Variants in STAG1 observed in about 807,000 individuals in gnomAD.
STAG1 encodes the protein STAG1 cohesin complex component.
Under a neutral mutation model 170.9 loss-of-function variants are expected in STAG1, and 26 were observed. The observed-to-expected ratio is 0.15, with a 90% CI of 0.11 to 0.21. The LOEUF is 0.21. Ranked by LOEUF, STAG1 falls within the 10% of genes least tolerant of loss-of-function variation. STAG1 has a pLI of 1.00. For synonymous variants in STAG1, 514 were observed against 497.7 expected (o/e 1.03, Z -0.44); for missense variants, 964 against 1,509.5 (o/e 0.64, Z 5.99).
intron 5 of STAG1, among the ~76,000 whole-genome samples, chr3:136,552,976 A>G (rs914916671): frequency 2.0e-5 from 3 of 152,218 alleles, no homozygotes; most frequent in African/African-American, 7.2e-5. Flanking sequence ...CACCAAGAAG[A>G]AAGACAACAT....
intron 1 of STAG1, among the ~76,000 whole-genome samples, chr3:136,748,444 T>A (rs1039238274): frequency 2.0e-5 from 3 of 152,044 alleles, no homozygotes; most frequent in Non-Finnish European, 4.4e-5. Context: ...TCACCCAGGC[T>A]GGAGTGCAGT....
rs1939940527 is a variant in STAG1, at chr3:136,623,136, T to C, written c.132+10A>G. Reference sequence around the variant, plus strand: ...ATTAAAGGAACAAAGAAGACAAGCATAATACATACTGGAGGCCGGCCAGGA... The same window carrying C: ...ATTAAAGGAACAAAGAAGACAAGCACAATACATACTGGAGGCCGGCCAGGA... On this transcript the variant is annotated intron_variant, in intron 3 of 33. Transcript: ENST00000383202. 1.2e-6 allele frequency: 2 copies of C among 1,608,800 alleles called. No individual in the cohort carries two copies. The highest frequency in any genetic ancestry group is 1.3e-5 in the African/African-American group (1 of 74,660).
chr3:136,673,127 G>A (rs1329387208), intron 1 of STAG1, among the ~76,000 whole-genome samples: 1 of 152,174 alleles, frequency 6.6e-6, no homozygotes, highest in African/African-American at 2.4e-5. Flanking sequence ...ACAACATAGA[G>A]AGTTACTTCA....
chr3:136,439,644 C>G (rs997244658), intron 15 of STAG1, among the ~76,000 whole-genome samples: 16 of 152,124 alleles, frequency 1.1e-4, no homozygotes, highest in East Asian at 5.8e-4. Context: ...TCATAAAATA[C>G]AGCAAAATAC....
In STAG1 at chr3:136,493,386, G is replaced by A. The variant is rs1576528125; in HGVS notation, c.902+6837C>T. On this transcript the variant is annotated intron_variant, in intron 9 of 33. Transcript: ENST00000383202. ...CAAAACAAAAAGATCAGCAAAGGAT[G>A]GCTCACACCTGTAATCCCATCACTT... Among the ~76,000 whole-genome samples, 8 of 151,766 alleles carry A rather than the reference G, an allele frequency of 5.3e-5. 2 individuals carry two copies. The highest frequency in any genetic ancestry group is 5.2e-4 in the Admixed American group (8 of 15,248).
At chr3:136,618,603 G>A (rs947697742) in intron 3 of STAG1, among the ~76,000 whole-genome samples, 9 of 152,070 alleles carry the variant, frequency 5.9e-5, no homozygotes, top group East Asian at 3.8e-4. Flanking sequence ...AATAAAACAC[G>A]AGAGACTAAA....
Position 136,363,372 on chromosome 3 carries a change from C to A in STAG1, c.2781G>T (p.Leu927Phe). ...CTCTCTCCAAATTTCTTACCTGTTGCAAACTGAGAATGAGAGTCTTGGCAC... is the reference window on the plus strand; with the variant it reads ...CTCTCTCCAAATTTCTTACCTGTTGAAAACTGAGAATGAGAGTCTTGGCAC... ...IQCAKTLILSLQQLFNELVQE... is the reference protein window; with the variant it reads ...IQCAKTLILSFQQLFNELVQE... The change falls in exon 26 of 34, where the codon TTG (leucine) becomes TTT (phenylalanine). Residue 927 changes from leucine (L) to phenylalanine (F), a missense_variant. This residue lies in a region of STAG1 where 149 missense variants were observed against 301.3 expected (regional missense o/e 0.49). Coordinates refer to ENST00000383202, the MANE Select transcript of STAG1 (RefSeq NM_005862.3). 1 of 1,583,054 alleles carries A rather than the reference C, an allele frequency of 6.3e-7. No individual in the cohort carries two copies. The highest frequency in any genetic ancestry group is 1.7e-5 in the Admixed American group (1 of 58,426).
intron 23 of STAG1, among the ~76,000 whole-genome samples, chr3:136,371,453 T>C (rs928391634): frequency 2.0e-5 from 3 of 152,248 alleles, no homozygotes; most frequent in African/African-American, 7.2e-5. Context: ...TGAATGGTAA[T>C]GCCTAGGTTT....
At chr3:136,440,167 T>C (rs1037338680) in intron 15 of STAG1, among the ~76,000 whole-genome samples, 3 of 152,156 alleles carry the variant, frequency 2.0e-5, no homozygotes, top group Non-Finnish European at 4.4e-5. Context: ...AGATGGAGTC[T>C]CACACTGTCA....
intron 1 of STAG1, among the ~76,000 whole-genome samples, chr3:136,656,164 TAA>T (rs111866086): frequency 1.5e-5 from 2 of 136,788 alleles, no homozygotes; most frequent in African/African-American, 5.3e-5. Context: ...CGCAAAAAAA[TAA>T]AAAAAAAAAA....
chr3:136,386,164 C>T lies in STAG1; in HGVS notation c.2278-8412G>A, dbSNP rs368539056. Among the ~76,000 whole-genome samples, 13 of 152,078 alleles carry T rather than the reference C, an allele frequency of 8.5e-5. No individual in the cohort carries two copies. The East Asian group carries it at 1.7e-3, about 20-fold the overall frequency. ...CAGCCTGGACAATATGGTGAAACAC[C>T]GTCTCTACTAAAAATACAAAAAAAA... On this transcript the variant is annotated intron_variant, in intron 22 of 33. Coordinates refer to ENST00000383202, the MANE Select transcript of STAG1 (RefSeq NM_005862.3).
At chr3:136,458,137 G>GT (rs965528157) in intron 13 of STAG1, among the ~76,000 whole-genome samples, 34 of 151,642 alleles carry the variant, frequency 2.2e-4, no homozygotes, top group African/African-American at 6.1e-4. Context: ...TTTTTTCTGT[G>GT]TTTTTTTTCT....
intron 1 of STAG1, among the ~76,000 whole-genome samples, chr3:136,724,198 G>A (rs1263481189): frequency 3.3e-5 from 5 of 152,116 alleles, no homozygotes; most frequent in Admixed American, 2.0e-4. Context: ...GAAATCGGAT[G>A]GTTGCCATGT....
intron 12 of STAG1, among the ~76,000 whole-genome samples, chr3:136,469,027 A>G (rs970265646): frequency 6.6e-6 from 1 of 152,190 alleles, no homozygotes; most frequent in Non-Finnish European, 1.5e-5. Flanking sequence ...CACACCCAAT[A>G]TCATACTGAA....
intron 4 of STAG1, among the ~76,000 whole-genome samples, chr3:136,582,241 C>A (rs1223698934): frequency 2.0e-5 from 3 of 151,968 alleles, no homozygotes; most frequent in African/African-American, 7.3e-5. Flanking sequence ...CAAAGAAACA[C>A]AAATGTATCA....
intron 12 of STAG1, among the ~76,000 whole-genome samples, chr3:136,469,992 G>A (rs1185645876): frequency 2.6e-5 from 4 of 152,190 alleles, no homozygotes; most frequent in African/African-American, 7.2e-5. Flanking sequence ...ATTCAAGATG[G>A]ATTAAAGACT....
At chr3:136,352,725 A>G (rs1420472645) in intron 28 of STAG1, among the ~76,000 whole-genome samples, 1 of 152,228 alleles carries the variant, frequency 6.6e-6, no homozygotes, top group Non-Finnish European at 1.5e-5. Context: ...AACAAATTTC[A>G]TAGTATATTT....
chr3:136,351,392 ATCC>A (rs1936428997), intron 28 of STAG1, among the ~76,000 whole-genome samples: 1 of 152,158 alleles, frequency 6.6e-6, no homozygotes, highest in African/African-American at 2.4e-5. Flanking sequence ...TTATCTGTTT[ATCC>A]ATTAAGCATA....
intron 5 of STAG1, among the ~76,000 whole-genome samples, chr3:136,558,261 A>G (rs1377573907): frequency 6.6e-6 from 1 of 151,996 alleles, no homozygotes; most frequent in Non-Finnish European, 1.5e-5. Context: ...GCGTGGTGGC[A>G]CATGCCTGTA....
Sources: gnomAD v4.1 joint callset for allele counts (sites outside exome capture counted in the v4.1 genomes callset) on GRCh38, gnomAD v4.1.1 for gene constraint, gnomAD v4.1.1 regional missense constraint, MANE v1.5 for transcripts, NCBI Gene and HGNC (gene_info 2026-07-23, HGNC 2026-07-21) for gene names.